Variants in CACNA1S observed in about 807,000 individuals in gnomAD.
CACNA1S encodes the protein calcium voltage-gated channel subunit alpha1 S.
In CACNA1S, 126 loss-of-function variants were observed where a neutral mutation model predicts 207.4. That is an observed-to-expected ratio of 0.61 (90% CI 0.53 to 0.70). The LOEUF is 0.70. Among genes scored for constraint, CACNA1S ranks in the 30% least tolerant of loss-of-function variants. The pLI is 0.00. For missense variants in CACNA1S, 2,349 were observed against 2,422.8 expected (o/e 0.97, Z 0.64); for synonymous variants, 960 against 932.7 (o/e 1.03, Z -0.53).
rs924205865 is a variant in CACNA1S, at chr1:201,073,612, C to T, written c.2094G>A (p.Lys698=). 5 of 1,614,226 alleles carry T rather than the reference C, an allele frequency of 3.1e-6. No individual in the cohort carries two copies. Among genetic ancestry groups the T allele is most frequent in the South Asian group, 1.1e-5 (1 of 91,084 alleles). The stretch of plus-strand genomic sequence containing the variant: ...GCTCCAGCTTCTTGGCCATCGTTGA[C>T]TTCTCCTCTTCTGACTTGTCTGGGA... The part of the protein sequence containing the change: ...KGLPDKSEEE[K]STMAKKLEQK... Residue 698 remains lysine (K), a synonymous_variant, in exon 15 of 44, where the codon AAG becomes AAA. Coordinates refer to ENST00000362061, the MANE Select transcript of CACNA1S (RefSeq NM_000069.3).
chr1:201,085,083 G>C, intron 8 of CACNA1S, 52 bp from the exon 9 acceptor site: 3 of 1,271,730 alleles, frequency 2.4e-6, no homozygotes. Context: ...CTCTGGGCTG[G>C]ACACACCTGG....
chr1:201,069,695 C>A, intron 17 of CACNA1S, 94 bp from the exon 18 acceptor site: 1 of 1,418,502 alleles, frequency 7.0e-7, no homozygotes, highest in Non-Finnish European at 9.7e-7. Context: ...ATGGAATACA[C>A]CTCCTGCTCC....
At chr1:201,062,251 T>C (rs1275785004) in intron 23 of CACNA1S, among the ~76,000 whole-genome samples, 161 bp from the exon 24 acceptor site, 1 of 152,098 alleles carries the variant, frequency 6.6e-6, no homozygotes, top group African/African-American at 2.4e-5. Context: ...GGGGCCTCTG[T>C]GAGTGTCCCT....
At chr1:201,058,306 G>T in intron 28 of CACNA1S, 102 bp downstream of exon 28, 1 of 968,702 alleles carries the variant, frequency 1.0e-6, no homozygotes, top group Non-Finnish European at 1.7e-6. Flanking sequence ...TAACCCCTGG[G>T]GTTCCATGTT....
At chr1:201,070,060 G>C (rs1661394514) in intron 17 of CACNA1S, among the ~76,000 whole-genome samples, 2 of 152,184 alleles carry the variant, frequency 1.3e-5, no homozygotes, top group Non-Finnish European at 2.9e-5. Flanking sequence ...CAATAAACAG[G>C]TCCCTCTTAG....
At chr1:201,076,165 T>G (rs1661613271) in intron 12 of CACNA1S, among the ~76,000 whole-genome samples, 1 of 152,234 alleles carries the variant, frequency 6.6e-6, no homozygotes, top group African/African-American at 2.4e-5. Context: ...TTCCCTGTTC[T>G]CTTCCTAACC....
intron 40 of CACNA1S, chr1:201,042,980 C>G (rs1483430051): frequency 3.0e-5 from 12 of 397,584 alleles, no homozygotes; most frequent in Non-Finnish European, 4.8e-5. Flanking sequence ...CGAAGATCCT[C>G]TCCTAACCTA....
chr1:201,110,257 C>G lies in CACNA1S; in HGVS notation c.165G>C (p.Thr55=), dbSNP rs150520884. Residue 55 remains threonine, a synonymous_variant, in exon 2 of 44, where the codon ACG becomes ACC. Coordinates refer to ENST00000362061, the MANE Select transcript of CACNA1S (RefSeq NM_000069.3). ...ISIVEWKPFE[T]IILLTIFANC... ...TGGCAAAGATGGTGAGCAAGATGAT[C>G]GTCTCGAAGGGCCTGGAGCCAGGGT... 2 of 1,614,200 alleles carry G rather than the reference C, an allele frequency of 1.2e-6. No individual in the cohort carries two copies. The highest frequency in any genetic ancestry group is 1.6e-4 in the Middle Eastern group (1 of 6,062).
rs1308787767 is a variant in CACNA1S, at chr1:201,044,367, T to C, written c.4758A>G (p.Arg1586=). The C allele has an allele frequency of 6.2e-7, 1 of 1,613,232 alleles. No homozygotes were observed. The highest frequency in any genetic ancestry group is 1.1e-5 in the South Asian group (1 of 91,034). The change falls in exon 39 of 44, where the codon AGA becomes AGG. Residue 1586 remains arginine (R), a synonymous_variant. Coordinates refer to ENST00000362061, the MANE Select transcript of CACNA1S (RefSeq NM_000069.3). ...GDLAAEEELE[R]AMVEAAMEEG... Reference sequence around the variant, plus strand: ...CCTCCATCGCAGCCTCCACCATGGCTCTCTCCAGCTCCTCCTCAGCAGCCA... The same window carrying C: ...CCTCCATCGCAGCCTCCACCATGGCCCTCTCCAGCTCCTCCTCAGCAGCCA...
At chr1:201,062,241 G>T in intron 23 of CACNA1S, 151 bp from the exon 24 acceptor site, 1 of 1,111,724 alleles carries the variant, frequency 9.0e-7, no homozygotes, top group Non-Finnish European at 1.3e-6. Flanking sequence ...TCCGAGGAAA[G>T]GGGCCTCTGT....
At chr1:201,093,747 A>C in intron 3 of CACNA1S, 135 bp downstream of exon 3, 1 of 1,124,400 alleles carries the variant, frequency 8.9e-7, no homozygotes, top group Non-Finnish European at 1.3e-6. Context: ...CCGGCCTCTA[A>C]CAGAGGCTGC....
At chr1:201,077,205 G>A (rs1661661746) in intron 11 of CACNA1S, 78 bp from the exon 12 acceptor site, 2 of 1,244,578 alleles carry the variant, frequency 1.6e-6, no homozygotes, top group Admixed American at 1.9e-5. Flanking sequence ...AGGCTTGGGG[G>A]AAAGACTCAG....
chr1:201,099,481 T>C (rs1202727362), intron 2 of CACNA1S, among the ~76,000 whole-genome samples: 1 of 152,166 alleles, frequency 6.6e-6, no homozygotes, highest in Non-Finnish European at 1.5e-5. Context: ...TCTCCTTCTT[T>C]AGGTTCAAGG....
intron 2 of CACNA1S, among the ~76,000 whole-genome samples, chr1:201,095,929 G>A (rs1436686152): frequency 6.6e-6 from 1 of 152,226 alleles, no homozygotes; most frequent in Admixed American, 6.5e-5. Flanking sequence ...TGGGAGTCAG[G>A]CACACCATTA....
chr1:201,051,686 T>A (rs1016253102), intron 32 of CACNA1S, among the ~76,000 whole-genome samples: 6 of 152,192 alleles, frequency 3.9e-5, no homozygotes, highest in Non-Finnish European at 8.8e-5. Context: ...GTAGATAACC[T>A]CCCTCCACCT....
intron 19 of CACNA1S, among the ~76,000 whole-genome samples, chr1:201,068,787 G>A (rs1049651979): frequency 3.9e-4 from 60 of 152,046 alleles, no homozygotes; most frequent in Non-Finnish European, 7.5e-4. Flanking sequence ...CAGGAGAATC[G>A]CTTGAACCTG....
intron 28 of CACNA1S, among the ~76,000 whole-genome samples, chr1:201,058,193 G>A (rs1412410104): frequency 6.6e-6 from 1 of 152,180 alleles, no homozygotes; most frequent in East Asian, 1.9e-4. Context: ...TGATAGTGTA[G>A]TAGGTACACC....
chr1:201,085,642 T>G, intron 7 of CACNA1S, 61 bp from the exon 8 acceptor site: 2 of 1,589,402 alleles, frequency 1.3e-6, no homozygotes, highest in Non-Finnish European at 8.6e-7. Context: ...AAGGAAAGAC[T>G]GAGCTTCCTG....
At chr1:201,076,859 A>G in intron 12 of CACNA1S, 61 bp downstream of exon 12, 1 of 1,473,856 alleles carries the variant, frequency 6.8e-7, no homozygotes, top group Non-Finnish European at 9.5e-7. Flanking sequence ...TTGATCTTGA[A>G]GGACAAGAAG....
Sources: gnomAD v4.1 joint callset for allele counts (sites outside exome capture counted in the v4.1 genomes callset) on GRCh38, gnomAD v4.1.1 for gene constraint, MANE v1.5 for transcripts, NCBI Gene and HGNC (gene_info 2026-07-23, HGNC 2026-07-21) for gene names.